Variants in ATAD2B observed in about 807,000 individuals in gnomAD.
ATAD2B encodes the protein ATPase family AAA domain-containing protein 2B.
ATAD2B carries 40 observed loss-of-function variants against 167.6 expected under a neutral mutation model. The observed-to-expected ratio is 0.24, with a 90% CI of 0.19 to 0.31. The LOEUF (loss-of-function observed/expected upper bound fraction) is 0.31, where lower values mean the gene tolerates loss of function less well. Among genes scored for constraint, ATAD2B ranks in the 10% least tolerant of loss-of-function variants. The pLI is 1.00. For missense variants in ATAD2B, 1,242 were observed against 1,757.2 expected (o/e 0.71, Z 5.24); for synonymous variants, 579 against 596.5 (o/e 0.97, Z 0.43).
the ATAD2B span, among the ~76,000 whole-genome samples, chr2:23,726,653 A>C: frequency 1.3e-5 from 2 of 152,204 alleles, no homozygotes; most frequent in Admixed American, 6.5e-5. Context: ...TATACATAAA[A>C]TGAAATATTA....
intron 15 of ATAD2B, among the ~76,000 whole-genome samples, chr2:23,823,867 G>A (rs1482393356): frequency 6.6e-6 from 1 of 150,892 alleles, no homozygotes; most frequent in African/African-American, 2.4e-5. Context: ...TCCTTGATAT[G>A]AGCTTTAAAA....
At chr2:23,696,022 G>A in the ATAD2B span, 39 of 1,551,606 alleles carry the variant, frequency 2.5e-5, no homozygotes, top group Admixed American at 1.2e-4. This position sits in a 1 kb window ranked among gnomAD's most constrained non-coding sequence, Gnocchi z 5.5. Context: ...GCTGGTGGCC[G>A]TCACCTGCTG....
the ATAD2B span, among the ~76,000 whole-genome samples, chr2:23,732,835 G>A: frequency 6.6e-6 from 1 of 152,034 alleles, no homozygotes; most frequent in Non-Finnish European, 1.5e-5. Flanking sequence ...TTTCTATCAA[G>A]GCAATATAGG....
intron 6 of ATAD2B, chr2:23,883,497 C>T: frequency 1.7e-6 from 1 of 575,258 alleles, no homozygotes; most frequent in South Asian, 2.1e-5. Flanking sequence ...CACAGTATTA[C>T]AAGCAGAATT....
chr2:23,741,143 A>T, the ATAD2B span, among the ~76,000 whole-genome samples: 38 of 151,598 alleles, frequency 2.5e-4, no homozygotes, highest in Admixed American at 2.5e-3. Flanking sequence ...TAATTTATAG[A>T]TTCAATGCCA....
chr2:23,813,240 G>A (rs111473977), intron 17 of ATAD2B, among the ~76,000 whole-genome samples: 1 of 150,760 alleles, frequency 6.6e-6, no homozygotes, highest in African/African-American at 2.4e-5. Flanking sequence ...CATATACAAT[G>A]AAATAATTTA....
At chr2:23,899,585 T>C (rs1033918101) in intron 1 of ATAD2B, among the ~76,000 whole-genome samples, 3 of 152,036 alleles carry the variant, frequency 2.0e-5, no homozygotes, top group Non-Finnish European at 4.4e-5. Flanking sequence ...ATTTAGTCCT[T>C]TCATTTTTTT....
At chr2:23,777,305 A>G (rs1024793414) in intron 22 of ATAD2B, among the ~76,000 whole-genome samples, 3 of 151,998 alleles carry the variant, frequency 2.0e-5, no homozygotes, top group African/African-American at 4.8e-5. Context: ...TGCCTGCCAC[A>G]TAGTAGTTAT....
chr2:23,696,708 A>C, the ATAD2B span: 2 of 531,926 alleles, frequency 3.8e-6, no homozygotes, highest in South Asian at 2.5e-5. This position sits in a 1 kb window ranked among gnomAD's most constrained non-coding sequence, Gnocchi z 5.5. Context: ...AGATGGGATG[A>C]CATCTGTGTC....
chr2:23,903,918 T>C (rs1701134886), intron 1 of ATAD2B, among the ~76,000 whole-genome samples: 1 of 151,666 alleles, frequency 6.6e-6, no homozygotes, highest in Admixed American at 6.6e-5. Context: ...TAAGGGCAGG[T>C]ATAAAAAGTG....
At position 23,872,735 on chromosome 2, in the gene ATAD2B, T is replaced by C. The variant is rs138892508; in HGVS notation, c.978-2974A>G. The C allele has an allele frequency of 6.9e-4, 723 of 1,046,994 alleles. 5 individuals carry two copies. The African/African-American group carries it at 9.4e-3, about 14-fold the overall frequency. 64.9% of individuals were successfully genotyped at this position (1,046,994 alleles called of 1,614,324 possible). A position where few individuals can be genotyped will look rare whatever the true frequency, so the allele number is the denominator to read the frequency against. ...TTTACTGAGATCAGTCAGACCCCCATAGTGCTGCTCACTGAGGCACCAAGT... is the reference window on the plus strand; with the variant it reads ...TTTACTGAGATCAGTCAGACCCCCACAGTGCTGCTCACTGAGGCACCAAGT... On this transcript the variant is annotated intron_variant, in intron 8 of 27. Transcript: ENST00000238789.
At chr2:23,817,545 C>T (rs370402208) in intron 17 of ATAD2B, among the ~76,000 whole-genome samples, 5 of 152,144 alleles carry the variant, frequency 3.3e-5, no homozygotes, top group East Asian at 3.8e-4. Context: ...ACAGCACTTT[C>T]GCCATATTGA....
intron 1 of ATAD2B, among the ~76,000 whole-genome samples, chr2:23,907,570 T>C (rs1701678415): frequency 6.6e-6 from 1 of 152,116 alleles, no homozygotes; most frequent in African/African-American, 2.4e-5. Context: ...TTCAATGCCA[T>C]CCCTATCAAG....
the ATAD2B span, among the ~76,000 whole-genome samples, chr2:23,720,536 G>A: frequency 1.5e-5 from 2 of 135,968 alleles, no homozygotes; most frequent in Non-Finnish European, 1.6e-5. Context: ...AAGAGATTGC[G>A]CCACTGCACT....
At chr2:23,691,548 T>C in the ATAD2B span, 66 of 709,872 alleles carry the variant, frequency 9.3e-5, no homozygotes, top group Middle Eastern at 7.6e-4. Flanking sequence ...AGGTGTGTCA[T>C]TGCCGTGTCC....
At chr2:23,721,924 G>A in the ATAD2B span, among the ~76,000 whole-genome samples, 2 of 152,240 alleles carry the variant, frequency 1.3e-5, no homozygotes, top group Non-Finnish European at 2.9e-5. Context: ...TCCCTGGCAA[G>A]GCTGGGCCAC....
At chr2:23,876,925 G>C (rs768442860) in intron 7 of ATAD2B, among the ~76,000 whole-genome samples, 42 of 151,422 alleles carry the variant, frequency 2.8e-4, no homozygotes, top group Non-Finnish European at 4.9e-4. Flanking sequence ...AAATTAGCCG[G>C]GCGTGGTGGT....
At chr2:23,911,952 G>C (rs1573414143) in intron 1 of ATAD2B, among the ~76,000 whole-genome samples, 1 of 150,604 alleles carries the variant, frequency 6.6e-6, no homozygotes, top group African/African-American at 2.4e-5. Flanking sequence ...ACTCCAGCCT[G>C]GGTGACAGAA....
chr2:23,814,619 G>C (rs768912116), intron 17 of ATAD2B, among the ~76,000 whole-genome samples: 17 of 152,124 alleles, frequency 1.1e-4, no homozygotes, highest in Non-Finnish European at 2.5e-4. Context: ...AGTTCATACA[G>C]CCAGTTTTGG....
Sources: allele counts gnomAD v4.1 joint callset (sites outside exome capture counted in the v4.1 genomes callset), GRCh38; gene constraint gnomAD v4.1.1; non-coding constraint Gnocchi (gnomAD v3.1); transcripts MANE v1.5; gene names NCBI Gene and HGNC (gene_info 2026-07-23, HGNC 2026-07-21).